RPS6KA2: variants seen among roughly 807,000 people sequenced by gnomAD.
RPS6KA2 encodes the protein ribosomal protein S6 kinase alpha-2.
In RPS6KA2, 42 loss-of-function variants were observed where a neutral mutation model predicts 91.8. The observed-to-expected ratio is 0.46, with a 90% confidence interval of 0.36 to 0.59. The LOEUF is 0.59. Among genes scored for constraint, RPS6KA2 ranks in the 20% least tolerant of loss-of-function variants. RPS6KA2 has a pLI of 0.00. For missense variants in RPS6KA2, 798 were observed against 978.5 expected (o/e 0.82, Z 2.46); for synonymous variants, 414 against 393.6 (o/e 1.05, Z -0.61).
intron 1 of RPS6KA2, among the ~76,000 whole-genome samples, chr6:166,558,011 T>C (rs1784226628): frequency 6.6e-6 from 1 of 151,958 alleles, no homozygotes; most frequent in Non-Finnish European, 1.5e-5. Context: ...TGTGTATATA[T>C]AGGTGTGTAT....
intron 2 of RPS6KA2, among the ~76,000 whole-genome samples, chr6:166,694,236 G>A (rs1218328585): frequency 6.6e-6 from 1 of 152,208 alleles, no homozygotes; most frequent in Non-Finnish European, 1.5e-5. Flanking sequence ...ACCAACACAG[G>A]AACCGGCTGC....
intron 1 of RPS6KA2, among the ~76,000 whole-genome samples, chr6:166,614,880 A>G (rs1222045504): frequency 1.3e-5 from 2 of 152,228 alleles, no homozygotes; most frequent in Non-Finnish European, 2.9e-5. Context: ...TTATCCAGGA[A>G]CATCACGCCA....
chr6:166,709,560 A>G (rs1789786995), intron 2 of RPS6KA2, among the ~76,000 whole-genome samples: 1 of 152,252 alleles, frequency 6.6e-6, no homozygotes, highest in Admixed American at 6.5e-5. Context: ...TATTCTTTAC[A>G]TCATCTTTCT....
In RPS6KA2 at chr6:166,702,743, A is replaced by T. The variant is rs562837270; in HGVS notation, c.123+155457T>A. On this transcript the variant is annotated intron_variant, in intron 2 of 21. Transcript: ENST00000503859. ...AACGCGTAGCCAATCTTCACCAGGA[A>T]GGGTCCCGACACGGGGATCTTGGCG... 1,510 of 1,245,400 alleles carry T rather than the reference A, an allele frequency of 1.2e-3. 1 individual carries two copies. Among genetic ancestry groups the T allele is most frequent in the Admixed American group, 1.8e-3 (104 of 59,326 alleles). The allele number at this position is 1,245,400 out of a possible 1,614,324, so 77.1% of individuals were successfully genotyped here. A position where few individuals can be genotyped will look rare whatever the true frequency, so the allele number is the denominator to read the frequency against.
chr6:166,438,001 T>C (rs1779391298), intron 14 of RPS6KA2, among the ~76,000 whole-genome samples: 2 of 152,228 alleles, frequency 1.3e-5, no homozygotes, highest in Admixed American at 6.5e-5. Context: ...GGCAGTGGCA[T>C]GAGCTCACAG....
chr6:166,659,406 A>G (rs1788095259), intron 2 of RPS6KA2, among the ~76,000 whole-genome samples: 1 of 152,178 alleles, frequency 6.6e-6, no homozygotes, highest in Non-Finnish European at 1.5e-5. Context: ...AGAGGGGGCC[A>G]TCCTCAGGAA....
At chr6:166,491,277 G>A (rs745425575) in intron 8 of RPS6KA2, among the ~76,000 whole-genome samples, 3 of 152,164 alleles carry the variant, frequency 2.0e-5, no homozygotes, top group South Asian at 2.1e-4. Flanking sequence ...TACAGCTGCC[G>A]CACCCTACAT....
At chr6:166,532,072 A>G (rs952490284) in intron 2 of RPS6KA2, among the ~76,000 whole-genome samples, 3 of 152,156 alleles carry the variant, frequency 2.0e-5, no homozygotes, top group African/African-American at 7.2e-5. Context: ...CATGATGGAG[A>G]TGACACAGGC....
intron 10 of RPS6KA2, among the ~76,000 whole-genome samples, chr6:166,474,234 C>T (rs546327400): frequency 3.4e-4 from 52 of 152,284 alleles, no homozygotes; most frequent in African/African-American, 1.3e-3. Flanking sequence ...GGATGAGGAT[C>T]AGAATGGACC....
intron 2 of RPS6KA2, among the ~76,000 whole-genome samples, chr6:166,806,378 G>A (rs1006404202): frequency 6.6e-6 from 1 of 152,126 alleles, no homozygotes; most frequent in Non-Finnish European, 1.5e-5. Context: ...AGCAGCAAAA[G>A]AGAAGTGACT....
Position 166,737,756 on chromosome 6 carries a change from C to T in RPS6KA2, c.123+120444G>A, listed in dbSNP as rs560640182. ...TGACGGTTCTGAACTTGACAAATGC[C>T]GTACCCAAAATAGTATATTCCCTGT... On this transcript the variant is annotated intron_variant, in intron 2 of 21. Transcript: ENST00000503859. This position sits in a 1 kb window ranked among gnomAD's most constrained non-coding sequence, Gnocchi z 4.3. 2.6e-5 allele frequency among the ~76,000 whole-genome samples: 4 copies of T among 152,214 alleles called. No individual in the cohort carries two copies. Among genetic ancestry groups the T allele is most frequent in the South Asian group, 2.1e-4 (1 of 4,812 alleles).
At chr6:166,783,309 C>A (rs547628399) in intron 2 of RPS6KA2, among the ~76,000 whole-genome samples, 1 of 151,806 alleles carries the variant, frequency 6.6e-6, no homozygotes. Flanking sequence ...TGGGCCTCGT[C>A]GAATCAGTTG....
chr6:166,504,683 A>C, intron 5 of RPS6KA2, 71 bp from the exon 6 acceptor site: 1 of 1,113,936 alleles, frequency 9.0e-7, no homozygotes, highest in South Asian at 1.4e-5. Flanking sequence ...GTTTTAAAGA[A>C]CTCTGCCAGA....
intron 2 of RPS6KA2, among the ~76,000 whole-genome samples, chr6:166,777,008 A>T (rs1406074167): frequency 6.6e-6 from 1 of 152,166 alleles, no homozygotes; most frequent in African/African-American, 2.4e-5. Flanking sequence ...ACTTAAGCCC[A>T]TCACCCATTT....
chr6:166,862,530 G>T, exon 1 of RPS6KA2: 1 of 341,294 alleles, frequency 2.9e-6, no homozygotes, highest in Non-Finnish European at 5.1e-6. Flanking sequence ...CAGAGTAAAC[G>T]CTGCACTTGC....
intron 7 of RPS6KA2, among the ~76,000 whole-genome samples, chr6:166,499,870 T>TACAGGGACTTTCAGAACAGACTAAC (rs1562536937): frequency 2.7e-5 from 4 of 149,846 alleles, no homozygotes; most frequent in South Asian, 2.1e-4. Flanking sequence ...AACAGACTAA[T>TACAGGGACTTTCAGAACAGACTAAC]ACAGGGACTT....
At position 166,437,722 on chromosome 6, in the gene RPS6KA2, G is replaced by A. The variant is rs1779377814; in HGVS notation, c.1333-5232C>T. Among the ~76,000 whole-genome samples, 1 of 152,140 alleles carries A rather than the reference G, an allele frequency of 6.6e-6. No individual in the cohort carries two copies. The highest frequency in any genetic ancestry group is 2.4e-5 in the African/African-American group (1 of 41,388). ...GATGGCACACCACCATGATCTTCCT[G>A]AGCACGGACACATGCAGCCATGTGC... On this transcript the variant is annotated intron_variant, in intron 14 of 20. Coordinates refer to ENST00000265678, the MANE Select transcript of RPS6KA2 (RefSeq NM_021135.6). This position sits in a 1 kb window ranked among gnomAD's most constrained non-coding sequence, Gnocchi z 4.3.
intron 2 of RPS6KA2, among the ~76,000 whole-genome samples, chr6:166,778,658 C>T (rs780240854): frequency 9.2e-5 from 14 of 152,110 alleles, no homozygotes; most frequent in African/African-American, 1.7e-4. Flanking sequence ...CCCAGCTACT[C>T]GGGAGGCTGA....
intron 2 of RPS6KA2, among the ~76,000 whole-genome samples, chr6:166,724,771 T>G (rs780802301): frequency 6.6e-6 from 1 of 152,224 alleles, no homozygotes; most frequent in Non-Finnish European, 1.5e-5. Context: ...AATTTAAGAG[T>G]TTTATGATCA....
Sources: allele counts gnomAD v4.1 joint callset (sites outside exome capture counted in the v4.1 genomes callset), GRCh38; gene constraint gnomAD v4.1.1; non-coding constraint Gnocchi (gnomAD v3.1); transcripts MANE v1.5; gene names NCBI Gene and HGNC (gene_info 2026-07-23, HGNC 2026-07-21).